The following CA8 variants were observed in gnomAD, a reference collection of about 807,000 sequenced individuals.
CA8 encodes carbonic anhydrase-related protein.
CA8 carries 22 observed loss-of-function variants against 41.4 expected under a neutral mutation model. The observed-to-expected ratio is 0.53, with a 90% confidence interval of 0.38 to 0.76. The LOEUF (loss-of-function observed/expected upper bound fraction) is 0.76. Ranked by LOEUF, CA8 falls within the 30% of genes least tolerant of loss-of-function variation. CA8 has a pLI of 0.00. For synonymous variants in CA8, 121 were observed against 130.6 expected (o/e 0.93, Z 0.50); for missense variants, 270 against 352.8 (o/e 0.77, Z 1.88).
At chr8:60,258,064 C>T (rs1213160908) in intron 3 of CA8, among the ~76,000 whole-genome samples, 1 of 152,212 alleles carries the variant, frequency 6.6e-6, no homozygotes, top group African/African-American at 2.4e-5. Context: ...CATGCTGCTA[C>T]ATCTCGCCCA....
In CA8 at chr8:60,281,367, A is replaced by T. The variant is rs919245949; in HGVS notation, c.-220T>A. 14 of 563,780 alleles carry T rather than the reference A, an allele frequency of 2.5e-5. No individual in the cohort carries two copies. Among genetic ancestry groups the T allele is most frequent in the Admixed American group, 1.5e-4 (5 of 32,726 alleles). 34.9% of individuals were successfully genotyped at this position (563,780 alleles called of 1,614,324 possible). ...AGACCCGCGTGGGAAGCGCGTCCGG[A>T]GGCCCCAGCAGAGCGAGGGAGCGGC... On this transcript the variant is annotated 5_prime_UTR_variant, in exon 1 of 9. Coordinates refer to ENST00000317995, the MANE Select transcript of CA8 (RefSeq NM_004056.6).
chr8:60,243,382 T>C (rs1307037477), intron 3 of CA8, among the ~76,000 whole-genome samples: 2 of 151,346 alleles, frequency 1.3e-5, no homozygotes, highest in Non-Finnish European at 2.9e-5. Flanking sequence ...CTCTCTCCCC[T>C]TAGCTCCTTC....
chr8:60,198,947 T>C (rs1160008529), intron 8 of CA8, among the ~76,000 whole-genome samples: 1 of 152,094 alleles, frequency 6.6e-6, no homozygotes, highest in Non-Finnish European at 1.5e-5. Flanking sequence ...AAAGAAAAGA[T>C]GCCATTAGAG....
intron 3 of CA8, among the ~76,000 whole-genome samples, chr8:60,258,117 C>T (rs994267789): frequency 6.6e-6 from 1 of 152,326 alleles, no homozygotes; most frequent in South Asian, 2.1e-4. Context: ...ACACTGTACA[C>T]GCTCCCTGCC....
chr8:60,217,259 T>C (rs1236748631), intron 7 of CA8, among the ~76,000 whole-genome samples: 1 of 152,232 alleles, frequency 6.6e-6, no homozygotes, highest in Non-Finnish European at 1.5e-5. Flanking sequence ...GCTGAACAAA[T>C]GTGACCATAG....
At chr8:60,228,251 G>C (rs965682516) in intron 4 of CA8, among the ~76,000 whole-genome samples, 3 of 152,158 alleles carry the variant, frequency 2.0e-5, no homozygotes, top group Non-Finnish European at 4.4e-5. Context: ...TCTAAAAACA[G>C]AAAATAAATT....
At chr8:60,274,912 A>C (rs935751189) in intron 2 of CA8, among the ~76,000 whole-genome samples, 1 of 152,224 alleles carries the variant, frequency 6.6e-6, no homozygotes, top group East Asian at 1.9e-4. Context: ...CAAAGTAGGA[A>C]ACTGAAAACA....
chr8:60,250,356 A>G (rs750847966), intron 3 of CA8, among the ~76,000 whole-genome samples: 2 of 152,156 alleles, frequency 1.3e-5, no homozygotes, highest in Non-Finnish European at 2.9e-5. Flanking sequence ...CAGTTTTCCA[A>G]CAAAATAGTC....
intron 8 of CA8, among the ~76,000 whole-genome samples, chr8:60,197,415 A>G (rs1806311538): frequency 6.6e-6 from 1 of 152,042 alleles, no homozygotes; most frequent in African/African-American, 2.4e-5. Context: ...ACATTTTTGA[A>G]TCCTTACACT....
At chr8:60,246,239 A>T (rs1169318309) in intron 3 of CA8, among the ~76,000 whole-genome samples, 1 of 151,760 alleles carries the variant, frequency 6.6e-6, no homozygotes, top group African/African-American at 2.4e-5. Flanking sequence ...ACAAAAACAA[A>T]ATTATTTTTT....
rs548644130 is a variant in CA8, at chr8:60,253,569, A to G, written c.417+12356T>C. On this transcript the variant is annotated intron_variant, in intron 3 of 8. Coordinates refer to ENST00000317995, the MANE Select transcript of CA8 (RefSeq NM_004056.6). The stretch of plus-strand genomic sequence containing the variant: ...CCACCCTAGTCCACTCGCTGACATC[A>G]TCTACCTGCTTAAAAGTGCTAGTAG... Among the ~76,000 whole-genome samples the G allele has an allele frequency of 3.5e-4, 53 of 151,960 alleles. 1 individual carries two copies. The South Asian group carries it at 0.011, about 31-fold the overall frequency.
At chr8:60,219,162 G>A (rs1286000803) in intron 7 of CA8, among the ~76,000 whole-genome samples, 1 of 121,586 alleles carries the variant, frequency 8.2e-6, no homozygotes, top group Non-Finnish European at 1.8e-5. Flanking sequence ...TTGTTATTCT[G>A]CCTTTTTTTT....
Position 60,280,902 on chromosome 8 carries a change from A to C in CA8, c.100+146T>G, listed in dbSNP as rs1804397903. Reference sequence around the variant, plus strand: ...CCTCCCGCCCGAAACGCACCAGGGGAGTGGGAAAGTGGCAGAGACCCCCGT... The same window carrying C: ...CCTCCCGCCCGAAACGCACCAGGGGCGTGGGAAAGTGGCAGAGACCCCCGT... On this transcript the variant is annotated intron_variant, in intron 1 of 8. Coordinates refer to ENST00000317995, the MANE Select transcript of CA8 (RefSeq NM_004056.6). 4.4e-6 allele frequency: 3 copies of C among 680,234 alleles called. No homozygotes were observed. The East Asian group carries it at 8.3e-5, about 19-fold the overall frequency. 42.1% of individuals were successfully genotyped at this position (680,234 alleles called of 1,614,324 possible).
intron 3 of CA8, among the ~76,000 whole-genome samples, chr8:60,239,915 C>T (rs1437960642): frequency 6.6e-6 from 1 of 152,210 alleles, no homozygotes; most frequent in Non-Finnish European, 1.5e-5. Context: ...GATTGTGAGG[C>T]CTCCTCAGCC....
At chr8:60,207,674 T>G (rs1397858713) in intron 8 of CA8, among the ~76,000 whole-genome samples, 2 of 152,212 alleles carry the variant, frequency 1.3e-5, no homozygotes, top group East Asian at 3.9e-4. Context: ...TCAACTTCTC[T>G]CCACCTCCAC....
chr8:60,215,069 T>G (rs1263816593), intron 7 of CA8, among the ~76,000 whole-genome samples: 2 of 152,172 alleles, frequency 1.3e-5, no homozygotes, highest in African/African-American at 4.8e-5. Flanking sequence ...TACATACGTA[T>G]TTGCACAGAT....
intron 8 of CA8, among the ~76,000 whole-genome samples, chr8:60,203,260 T>C (rs1806485141): frequency 6.6e-6 from 1 of 151,996 alleles, no homozygotes; most frequent in African/African-American, 2.4e-5. Flanking sequence ...GTGCTAAGAT[T>C]GGAGATAAAA....
chr8:60,222,603 T>C, intron 7 of CA8, 46 bp downstream of exon 7: 2 of 1,190,100 alleles, frequency 1.7e-6, no homozygotes, highest in African/African-American at 3.0e-5. Context: ...AGAAACAATG[T>C]TTAACTCAGA....
rs532262717 is a variant in CA8, at chr8:60,186,997, A to G, written c.*3024T>C. Reference sequence around the variant, plus strand: ...AACACTATAGACCTAACAGCCATCTATCTATAGAACACAGCATCCAACAAC... The same window carrying G: ...AACACTATAGACCTAACAGCCATCTGTCTATAGAACACAGCATCCAACAAC... On this transcript the variant is annotated 3_prime_UTR_variant, in exon 9 of 9. Transcript: ENST00000317995. Among the ~76,000 whole-genome samples the G allele has an allele frequency of 7.6e-4, 115 of 152,222 alleles. No individual in the cohort carries two copies. Among genetic ancestry groups the G allele is most frequent in the Middle Eastern group, 3.4e-3 (1 of 294 alleles).
Sources: gnomAD v4.1 joint callset for allele counts (sites outside exome capture counted in the v4.1 genomes callset) on GRCh38, gnomAD v4.1.1 for gene constraint, MANE v1.5 for transcripts, NCBI Gene and HGNC (gene_info 2026-07-23, HGNC 2026-07-21) for gene names.